Variants in SMAD6 observed in about 807,000 individuals in gnomAD.
The protein encoded by SMAD6 is MAD homolog 6.
A neutral mutation model predicts 39.4 loss-of-function variants in SMAD6; 103 were observed. The observed-to-expected ratio is 2.62, with a 90% CI of 2.23 to 3.08. The LOEUF is 3.08. Ranked by LOEUF, SMAD6 falls within the 30% of genes most tolerant of loss-of-function variation. The pLI, the probability that SMAD6 is intolerant of heterozygous loss-of-function variation, is 0.00. For synonymous variants in SMAD6, 445 were observed against 353.3 expected, an observed-to-expected ratio of 1.26 and a Z score of -2.91; for missense variants, 1,104 against 742.9, an observed-to-expected ratio of 1.49 and a Z score of -5.65.
chr15:66,719,914 G>C (rs937786628), intron 3 of SMAD6, among the ~76,000 whole-genome samples: 11 of 152,192 alleles, frequency 7.2e-5, no homozygotes, highest in Non-Finnish European at 1.6e-4. Context: ...CACTGGGGAG[G>C]GGGGTGGTGG....
chr15:66,742,421 T>G (rs1485877846), intron 3 of SMAD6, among the ~76,000 whole-genome samples: 1 of 152,102 alleles, frequency 6.6e-6, no homozygotes, highest in African/African-American at 2.4e-5. Context: ...TCATTCCACC[T>G]TGTCAATGAA....
At position 66,780,545 on chromosome 15, in the gene SMAD6, G is replaced by A. The variant is rs565295777; in HGVS notation, c.953-452G>A. On this transcript the variant is annotated intron_variant, in intron 3 of 3. Transcript: ENST00000288840. Reference sequence around the variant, plus strand: ...AAGGTGGCGTCCTTGCAGAGTGATCGTGAGGACCAAGTGAGTCCTGTGTGC... The same window carrying A: ...AAGGTGGCGTCCTTGCAGAGTGATCATGAGGACCAAGTGAGTCCTGTGTGC... 2.9e-4 allele frequency among the ~76,000 whole-genome samples: 44 copies of A among 152,312 alleles called. 1 individual carries two copies. Among genetic ancestry groups the A allele is most frequent in the African/African-American group, 8.2e-4 (34 of 41,562 alleles).
At chr15:66,731,757 G>A (rs890216915) in intron 3 of SMAD6, among the ~76,000 whole-genome samples, 1 of 152,026 alleles carries the variant, frequency 6.6e-6, no homozygotes, top group Non-Finnish European at 1.5e-5. Context: ...AGGATTGCTG[G>A]GTATATGGTT....
At chr15:66,777,214 G>A (rs900032032) in intron 3 of SMAD6, among the ~76,000 whole-genome samples, 6 of 152,188 alleles carry the variant, frequency 3.9e-5, no homozygotes, top group African/African-American at 1.4e-4. Context: ...GGGAGGCTGA[G>A]TGGGTGGCTT....
chr15:66,767,909 A>G (rs1894315479), intron 3 of SMAD6, among the ~76,000 whole-genome samples: 1 of 149,004 alleles, frequency 6.7e-6, no homozygotes, highest in Non-Finnish European at 1.5e-5. Context: ...TTATTATCTA[A>G]TGTCCCACCT....
chr15:66,732,020 T>C (rs1412187106), intron 3 of SMAD6, among the ~76,000 whole-genome samples: 1 of 150,892 alleles, frequency 6.6e-6, no homozygotes, highest in East Asian at 2.0e-4. Flanking sequence ...CTTGGCTCAC[T>C]GTAACCTCTG....
intron 3 of SMAD6, among the ~76,000 whole-genome samples, chr15:66,778,274 G>C (rs140832833): frequency 6.6e-6 from 1 of 152,084 alleles, no homozygotes; most frequent in Non-Finnish European, 1.5e-5. Context: ...TAGAGATGAG[G>C]TCTTGCTTTG....
chr15:66,759,619 T>G (rs1894164379), intron 3 of SMAD6, among the ~76,000 whole-genome samples: 1 of 152,236 alleles, frequency 6.6e-6, no homozygotes, highest in East Asian at 1.9e-4. Context: ...CGTGCTTTGT[T>G]GGATCTTCGT....
intron 3 of SMAD6, among the ~76,000 whole-genome samples, chr15:66,749,014 GC>G (rs1017706818): frequency 7.6e-4 from 116 of 152,230 alleles, no homozygotes; most frequent in African/African-American, 2.7e-3. Context: ...CTTCTGTTGT[GC>G]CTTCTTGGTT....
chr15:66,770,294 G>T (rs1231025873), intron 3 of SMAD6, among the ~76,000 whole-genome samples: 1 of 152,146 alleles, frequency 6.6e-6, no homozygotes. Context: ...GTGAACTTGG[G>T]CATTTAATGC....
At chr15:66,718,657 C>T (rs1020528297) in intron 3 of SMAD6, among the ~76,000 whole-genome samples, 2 of 152,122 alleles carry the variant, frequency 1.3e-5, no homozygotes, top group Admixed American at 6.5e-5. Flanking sequence ...GAATGTTCCC[C>T]GCTGAGGGCC....
intron 3 of SMAD6, among the ~76,000 whole-genome samples, chr15:66,735,173 C>A (rs1000138063): frequency 6.6e-6 from 1 of 152,212 alleles, no homozygotes; most frequent in South Asian, 2.1e-4. Flanking sequence ...AGAGGTGGGA[C>A]CTGAGGTGAC....
At chr15:66,708,741 A>G (rs1309477630) in intron 1 of SMAD6, 2 of 471,564 alleles carry the variant, frequency 4.2e-6, no homozygotes, top group Non-Finnish European at 4.4e-6. Flanking sequence ...GACACAAAGT[A>G]AGTTAGTGGT....
At chr15:66,772,327 A>G (rs1344735479) in intron 3 of SMAD6, among the ~76,000 whole-genome samples, 1 of 152,200 alleles carries the variant, frequency 6.6e-6, no homozygotes, top group African/African-American at 2.4e-5. Context: ...GAATTAACAT[A>G]TGTTCAGGTA....
intron 3 of SMAD6, among the ~76,000 whole-genome samples, chr15:66,720,545 C>G (rs2140610942): frequency 6.6e-6 from 1 of 152,282 alleles, no homozygotes; most frequent in East Asian, 1.9e-4. Context: ...ACTGGGCAAG[C>G]TTCTTTAGGA....
chr15:66,716,377 C>A, intron 2 of SMAD6, 44 bp from the exon 3 acceptor site: 1 of 1,379,788 alleles, frequency 7.2e-7, no homozygotes, highest in Non-Finnish European at 1.0e-6. Flanking sequence ...AAAGAGAGCG[C>A]TGCCCCACGG....
rs573889221 is a variant in SMAD6, at chr15:66,715,438, C to G, written c.875-983C>G. On this transcript the variant is annotated intron_variant, in intron 2 of 3. Coordinates refer to ENST00000288840, the MANE Select transcript of SMAD6 (RefSeq NM_005585.5). Reference sequence around the variant, plus strand: ...CGGTTTTATCCCAGGAATCCTTTGCCTGGAGTAGCTGTGCTGGGCCGGCTG... The same window carrying G: ...CGGTTTTATCCCAGGAATCCTTTGCGTGGAGTAGCTGTGCTGGGCCGGCTG... 1.2e-3 allele frequency among the ~76,000 whole-genome samples: 187 copies of G among 152,292 alleles called. 1 individual carries two copies. Among genetic ancestry groups the G allele is most frequent in the African/African-American group, 4.5e-3 (185 of 41,560 alleles).
chr15:66,708,468 A>G (rs569077449), intron 1 of SMAD6, among the ~76,000 whole-genome samples: 1 of 152,246 alleles, frequency 6.6e-6, no homozygotes, highest in African/African-American at 2.4e-5. Flanking sequence ...ATTGTTACCC[A>G]GTAGTGTTGA....
chr15:66,709,440 T>C (rs993677083), intron 1 of SMAD6, among the ~76,000 whole-genome samples: 1 of 152,216 alleles, frequency 6.6e-6, no homozygotes, highest in African/African-American at 2.4e-5. Flanking sequence ...CATGAGCCTT[T>C]CCTGCCTTCC....
Sources: allele counts gnomAD v4.1 joint callset (sites outside exome capture counted in the v4.1 genomes callset), GRCh38; gene constraint gnomAD v4.1.1; transcripts MANE v1.5; gene names NCBI Gene and HGNC (gene_info 2026-07-23, HGNC 2026-07-21).